The following MPDZ variants were observed in gnomAD, a reference collection of about 807,000 sequenced individuals.
The protein encoded by MPDZ is multiple PDZ domain crumbs cell polarity complex component, also known as multiple PDZ domain protein.
MPDZ carries 234 observed loss-of-function variants against 239.1 expected under a neutral mutation model. The observed-to-expected ratio is 0.98, with a 90% CI of 0.88 to 1.09. MPDZ has a LOEUF of 1.09. Among genes scored for constraint, MPDZ ranks in the 50% least tolerant of loss-of-function variants. MPDZ has a pLI of 0.00. For synonymous variants in MPDZ, 1,048 were observed against 881.3 expected, an observed-to-expected ratio of 1.19 and a Z score of -3.35; for missense variants, 3,175 against 2,510.0, an observed-to-expected ratio of 1.26 and a Z score of -5.66.
In MPDZ at chr9:13,140,062, T is replaced by C. The variant is rs769104208; in HGVS notation, c.3928A>G (p.Ser1310Gly). The change falls in exon 28 of 47, where the codon AGT (serine) becomes GGT (glycine). Residue 1310 changes from serine (S) to glycine (G), a missense_variant. Transcript: ENST00000319217. ...CTTGCAGATGACTGTGTGTGATCAC[T>C]ACCCATTTCGGCAAAGGCTGAAGGA... ...PPPSAFAEMG[S>G]DHTQSSASKI... The C allele has an allele frequency of 5.0e-6, 8 of 1,613,270 alleles. No homozygotes were observed. The South Asian group carries it at 6.6e-5, about 13-fold the overall frequency.
intron 1 of MPDZ, among the ~76,000 whole-genome samples, chr9:13,266,573 G>C (rs1214632656): frequency 1.3e-5 from 2 of 152,132 alleles, no homozygotes; most frequent in African/African-American, 4.8e-5. Flanking sequence ...ATTATTTGAA[G>C]ATGTAAGAAA....
intron 39 of MPDZ, among the ~76,000 whole-genome samples, chr9:13,117,345 C>T (rs1452273267): frequency 6.6e-6 from 1 of 151,998 alleles, no homozygotes; most frequent in African/African-American, 2.4e-5. Context: ...TCCTGGGTAA[C>T]ACAGTGAAAC....
intron 27 of MPDZ, 82 bp from the exon 28 acceptor site, chr9:13,140,231 AAAAACAAAGACTGGCTTTAAAATATCT>A: frequency 7.3e-7 from 1 of 1,378,230 alleles, no homozygotes; most frequent in East Asian, 2.3e-5. Flanking sequence ...GTATACTGTC[AAAAACAAAGACTGGCTTTAAAATATCT>A]AACAAATAAT....
intron 4 of MPDZ, among the ~76,000 whole-genome samples, chr9:13,223,954 A>T (rs962912422): frequency 6.6e-6 from 1 of 151,978 alleles, no homozygotes; most frequent in African/African-American, 2.4e-5. Flanking sequence ...GAATCCCTTG[A>T]GCCCAGGAAT....
intron 23 of MPDZ, among the ~76,000 whole-genome samples, chr9:13,162,108 T>C (rs565804785): frequency 6.6e-6 from 1 of 151,906 alleles, no homozygotes; most frequent in Non-Finnish European, 1.5e-5. Flanking sequence ...CTACAAAAAA[T>C]ACAGAATTAG....
intron 12 of MPDZ, among the ~76,000 whole-genome samples, chr9:13,200,504 T>A (rs1361617949): frequency 6.6e-6 from 1 of 152,078 alleles, no homozygotes; most frequent in African/African-American, 2.4e-5. Flanking sequence ...AGGTTCATAA[T>A]TAGTTTGTTT....
At chr9:13,277,565 T>C (rs573126472) in intron 1 of MPDZ, among the ~76,000 whole-genome samples, 234 of 152,248 alleles carry the variant, frequency 1.5e-3, no homozygotes, top group Non-Finnish European at 2.7e-3. Flanking sequence ...TTATTTTTTA[T>C]TTATTTACTT....
intron 1 of MPDZ, among the ~76,000 whole-genome samples, chr9:13,255,377 C>G (rs1411268332): frequency 1.3e-5 from 2 of 152,174 alleles, no homozygotes; most frequent in African/African-American, 2.4e-5. Context: ...ATTTTGCCTT[C>G]CTCCCATGAA....
intron 3 of MPDZ, among the ~76,000 whole-genome samples, chr9:13,229,658 A>G (rs1451097369): frequency 6.6e-6 from 1 of 151,986 alleles, no homozygotes; most frequent in Non-Finnish European, 1.5e-5. Flanking sequence ...GAAATACCAG[A>G]GTAAAATCTT....
intron 9 of MPDZ, 54 bp downstream of exon 9, chr9:13,217,126 T>C: frequency 2.6e-6 from 3 of 1,159,028 alleles, no homozygotes; most frequent in Non-Finnish European, 3.7e-6. Flanking sequence ...TTATAAGAGA[T>C]AGATATCAGA....
chr9:13,275,840 T>G (rs1428343879), intron 1 of MPDZ, among the ~76,000 whole-genome samples: 1 of 152,156 alleles, frequency 6.6e-6, no homozygotes, highest in Admixed American at 6.5e-5. Context: ...GAATATGCTC[T>G]CCAGTACCCA....
intron 26 of MPDZ, among the ~76,000 whole-genome samples, chr9:13,143,836 T>A (rs1369411545): frequency 6.6e-6 from 1 of 152,124 alleles, no homozygotes; most frequent in South Asian, 2.1e-4. Context: ...TTGCTCAATG[T>A]CTTCGGTATT....
intron 11 of MPDZ, among the ~76,000 whole-genome samples, chr9:13,205,634 T>C (rs115463372): frequency 0.013 from 1,976 of 152,194 alleles, 46 homozygotes; most frequent in African/African-American, 0.045. Context: ...GAAAGGTAAA[T>C]GACTGCCTGT....
At chr9:13,171,721 A>T (rs563210571) in intron 21 of MPDZ, among the ~76,000 whole-genome samples, 1 of 152,314 alleles carries the variant, frequency 6.6e-6, no homozygotes, top group African/African-American at 2.4e-5. Flanking sequence ...CAAAAACCCA[A>T]ATGATTCATG....
At position 13,233,701 on chromosome 9, in the gene MPDZ, T is replaced by A. The variant is rs116530210; in HGVS notation, c.184-9118A>T. Among the ~76,000 whole-genome samples the A allele has an allele frequency of 5.6e-3, 846 of 152,330 alleles. 7 individuals carry two copies. The highest frequency in any genetic ancestry group is 0.02 in the African/African-American group (815 of 41,588). ...TAATCAAAGCAAAAACTCTGGGGCA[T>A]TCCAGTGAATGATGTAAAAACACGC... On this transcript the variant is annotated intron_variant, in intron 3 of 46. Transcript: ENST00000319217.
chr9:13,117,998 C>T (rs1032176011), intron 39 of MPDZ, among the ~76,000 whole-genome samples: 6 of 151,998 alleles, frequency 3.9e-5, no homozygotes, highest in African/African-American at 4.8e-5. Flanking sequence ...GCATGCGCTA[C>T]CACACCTGGC....
At chr9:13,212,081 T>C (rs984059246) in intron 10 of MPDZ, among the ~76,000 whole-genome samples, 3 of 152,088 alleles carry the variant, frequency 2.0e-5, no homozygotes, top group Non-Finnish European at 4.4e-5. Context: ...AAAACATTCT[T>C]ATTGTTCAAT....
chr9:13,221,674 A>G (rs1484070419), intron 6 of MPDZ, among the ~76,000 whole-genome samples, 174 bp from the exon 7 acceptor site: 1 of 152,094 alleles, frequency 6.6e-6, no homozygotes, highest in Non-Finnish European at 1.5e-5. Context: ...AACAGAATGT[A>G]AGTGCCATTG....
Position 13,209,779 on chromosome 9 carries a change from T to A in MPDZ, c.1291-3680A>T, listed in dbSNP as rs149914039. ...CCCCCAAAAAAAAGAAAAAGAAAACTTACAATGAAGGCAGTCAACAAGATT... is the reference window on the plus strand; with the variant it reads ...CCCCCAAAAAAAAGAAAAAGAAAACATACAATGAAGGCAGTCAACAAGATT... On this transcript the variant is annotated intron_variant, in intron 10 of 46. Transcript: ENST00000319217. Among the ~76,000 whole-genome samples, 818 of 151,984 alleles carry A rather than the reference T, an allele frequency of 5.4e-3. 3 individuals carry two copies. Among genetic ancestry groups the A allele is most frequent in the Middle Eastern group, 0.01 (3 of 294 alleles).
Sources: gnomAD v4.1 joint callset for allele counts (sites outside exome capture counted in the v4.1 genomes callset) on GRCh38, gnomAD v4.1.1 for gene constraint, MANE v1.5 for transcripts, NCBI Gene and HGNC (gene_info 2026-07-23, HGNC 2026-07-21) for gene names.